The following ZC3H12B variants were observed in gnomAD, a reference collection of about 807,000 sequenced individuals.
ZC3H12B encodes probable ribonuclease ZC3H12B.
A neutral mutation model predicts 43.9 loss-of-function variants in ZC3H12B; 7 were observed. The ratio of observed to expected loss-of-function variants is 0.16; its 90% CI spans 0.09 to 0.30. ZC3H12B has a LOEUF of 0.30. Ranked by LOEUF, ZC3H12B falls within the 10% of genes least tolerant of loss-of-function variation. The pLI is 1.00. For missense variants in ZC3H12B, 475 were observed against 670.2 expected (o/e 0.71, Z 3.22); for synonymous variants, 222 against 241.7 (o/e 0.92, Z 0.76).
chrX:65,238,209 A>G, the ZC3H12B span, among the ~76,000 whole-genome samples: 1 of 111,899 alleles, frequency 8.9e-6, no homozygotes, highest in Non-Finnish European at 1.9e-5. Context: ...ATTTAGCTGT[A>G]AATCTGTCTG....
At chrX:65,151,221 C>A in the ZC3H12B span, among the ~76,000 whole-genome samples, 2 of 111,806 alleles carry the variant, frequency 1.8e-5, no homozygotes, top group Non-Finnish European at 3.8e-5. Context: ...TTTCTTCCTA[C>A]AAATACAATC....
chrX:65,196,591 G>A, the ZC3H12B span, among the ~76,000 whole-genome samples: 3 of 111,890 alleles, frequency 2.7e-5, no homozygotes, highest in East Asian at 5.6e-4. Context: ...ACCACCAGAC[G>A]TAGAACTCTG....
At chrX:65,263,582 G>A in the ZC3H12B span, among the ~76,000 whole-genome samples, 1 of 110,859 alleles carries the variant, frequency 9.0e-6, no homozygotes, top group Non-Finnish European at 1.9e-5. Context: ...AGAAGGATAG[G>A]AGATTATGGC....
chrX:65,356,116 A>G, the ZC3H12B span, among the ~76,000 whole-genome samples: 1 of 112,114 alleles, frequency 8.9e-6, no homozygotes, highest in African/African-American at 3.2e-5. Flanking sequence ...GTGTGTAGTG[A>G]GAAGGTGCTG....
At chrX:65,165,698 A>T in the ZC3H12B span, among the ~76,000 whole-genome samples, 4 of 112,599 alleles carry the variant, frequency 3.6e-5, no homozygotes, top group East Asian at 1.1e-3. Flanking sequence ...TCTATCATTG[A>T]TCAACATTTG....
At position 65,414,877 on chromosome X, in the gene ZC3H12B, G is replaced by A. The variant is rs187286213; in HGVS notation, n.407+16173G>A. Among the ~76,000 whole-genome samples the A allele has an allele frequency of 4.5e-5, 5 of 112,164 alleles. No homozygotes were observed. The East Asian group carries it at 1.1e-3, about 25-fold the overall frequency. ...CTTATGGCATACATAATGATTTGTT[G>A]ACAAAGAGTCAAACTCGTAAAATGT... is the stretch of plus-strand genomic sequence containing the variant. On this transcript the variant is annotated intron_variant and non_coding_transcript_variant, in intron 3 of 5. Transcript: ENST00000617377.
the ZC3H12B span, among the ~76,000 whole-genome samples, chrX:65,344,071 T>C: frequency 8.9e-6 from 1 of 112,027 alleles, no homozygotes; most frequent in Non-Finnish European, 1.9e-5. Context: ...GAACACAGTT[T>C]CATTCACAAT....
intron 3 of ZC3H12B, among the ~76,000 whole-genome samples, chrX:65,423,638 G>T (rs1426573449): frequency 8.9e-6 from 1 of 111,937 alleles, no homozygotes; most frequent in African/African-American, 3.2e-5. Flanking sequence ...ATGTTTTATG[G>T]CCATATAAAT....
the ZC3H12B span, among the ~76,000 whole-genome samples, chrX:65,294,510 C>T: frequency 3.6e-5 from 4 of 111,302 alleles, no homozygotes; most frequent in African/African-American, 9.8e-5. Context: ...ACTCACTTCT[C>T]AATACTAATG....
chrX:65,135,699 T>C, the ZC3H12B span, among the ~76,000 whole-genome samples: 1 of 102,919 alleles, frequency 9.7e-6, no homozygotes, highest in Non-Finnish European at 1.9e-5. Context: ...GTTGGTTAGA[T>C]ATTTTTTTTT....
chrX:65,075,086 G>A, the ZC3H12B span, among the ~76,000 whole-genome samples: 1 of 111,946 alleles, frequency 8.9e-6, no homozygotes, highest in Non-Finnish European at 1.9e-5. Flanking sequence ...TTTGTGCAAG[G>A]AAAGACCTTC....
intron 3 of ZC3H12B, among the ~76,000 whole-genome samples, chrX:65,438,424 G>T (rs991967721): frequency 9.0e-6 from 1 of 111,131 alleles, no homozygotes; most frequent in Non-Finnish European, 1.9e-5. Flanking sequence ...CACTAAAAAG[G>T]TCCTTCATTT....
intron 2 of ZC3H12B, 77 bp downstream of exon 7, chrX:65,497,348 G>T: frequency 1.1e-6 from 1 of 949,019 alleles, no homozygotes; most frequent in Non-Finnish European, 1.4e-6. Context: ...TCCCAATTTA[G>T]ATATTTATTT....
chrX:65,110,213 GTTAAATA>G, the ZC3H12B span, among the ~76,000 whole-genome samples: 1 of 109,870 alleles, frequency 9.1e-6, no homozygotes, highest in Non-Finnish European at 1.9e-5. Context: ...TGGATATGCA[GTTAAATA>G]TTTTCTCCTA....
At chrX:65,329,089 G>A in the ZC3H12B span, among the ~76,000 whole-genome samples, 15,531 of 110,403 alleles carry the variant, frequency 0.14, 2,726 homozygotes, top group African/African-American at 0.48. Flanking sequence ...GGGTCAAATG[G>A]TATTTCTAGT....
intron 3 of ZC3H12B, among the ~76,000 whole-genome samples, chrX:65,467,506 T>C (rs1189900178): frequency 3.6e-5 from 4 of 112,084 alleles, no homozygotes; most frequent in African/African-American, 1.3e-4. Context: ...GATCTACTTT[T>C]AGTTCTTTGA....
the ZC3H12B span, among the ~76,000 whole-genome samples, chrX:65,064,179 T>A: frequency 8.9e-6 from 1 of 111,820 alleles, no homozygotes; most frequent in Admixed American, 9.5e-5. Context: ...CTTAGTTATT[T>A]CTTGTCTTCT....
chrX:65,422,932 T>C (rs1345565327), intron 3 of ZC3H12B, among the ~76,000 whole-genome samples: 1 of 86,200 alleles, frequency 1.2e-5, no homozygotes, highest in Non-Finnish European at 2.3e-5. Flanking sequence ...TTGCTTTTTT[T>C]TTTTTTTTTT....
At chrX:65,387,945 C>G (rs185708289) in intron 2 of ZC3H12B, among the ~76,000 whole-genome samples, 1 of 112,073 alleles carries the variant, frequency 8.9e-6, no homozygotes, top group African/African-American at 3.2e-5. Context: ...AAATTCTTTT[C>G]TATAAGGATG....
Sources: allele counts gnomAD v4.1 joint callset (sites outside exome capture counted in the v4.1 genomes callset), GRCh38; gene constraint gnomAD v4.1.1; transcripts MANE v1.5; gene names NCBI Gene and HGNC (gene_info 2026-07-23, HGNC 2026-07-21).